Variants in DNAAF9 observed in about 807,000 individuals in gnomAD.
DNAAF9 encodes shulin.
A neutral mutation model predicts 167.0 loss-of-function variants in DNAAF9; 90 were observed. The observed-to-expected ratio is 0.54, with a 90% CI of 0.45 to 0.64. DNAAF9 has a LOEUF of 0.64. Among genes scored for constraint, DNAAF9 ranks in the 30% least tolerant of loss-of-function variants. The pLI, the probability that DNAAF9 is intolerant of heterozygous loss-of-function variation, is 0.00. For missense variants in DNAAF9, 1,315 were observed against 1,442.2 expected (o/e 0.91, Z 1.43); for synonymous variants, 491 against 508.8 (o/e 0.96, Z 0.47).
chr20:3,304,289 C>T lies in DNAAF9; in HGVS notation c.1782+151G>A, dbSNP rs117544442. On this transcript the variant is annotated intron_variant, in intron 21 of 36. Coordinates refer to ENST00000252032, the MANE Select transcript of DNAAF9 (RefSeq NM_001009984.3). ...TCTTGAGAATGCCCAGGCCTCTCCA[C>T]GACCTCCCTCCCTGCCTGCCTCAGT... is the stretch of plus-strand genomic sequence containing the variant. 3.0e-3 allele frequency: 1,987 copies of T among 656,852 alleles called. 15 individuals are homozygous for T. The highest frequency in any genetic ancestry group is 0.021 in the East Asian group (779 of 36,374). 40.7% of individuals were successfully genotyped at this position (656,852 alleles called of 1,614,324 possible).
intron 11 of DNAAF9, among the ~76,000 whole-genome samples, chr20:3,331,112 A>G (rs2069821223): frequency 6.6e-6 from 1 of 152,114 alleles, no homozygotes; most frequent in Non-Finnish European, 1.5e-5. Context: ...TTTAAGTTAA[A>G]TATAGTACAA....
intron 29 of DNAAF9, among the ~76,000 whole-genome samples, chr20:3,275,041 A>G (rs1392986822): frequency 2.0e-5 from 3 of 152,236 alleles, no homozygotes; most frequent in Non-Finnish European, 2.9e-5. Context: ...CAGCCTGGAA[A>G]GCTTGATGCC....
chr20:3,360,633 G>A (rs1568627433), intron 6 of DNAAF9, among the ~76,000 whole-genome samples: 1 of 152,078 alleles, frequency 6.6e-6, no homozygotes, highest in Non-Finnish European at 1.5e-5. Flanking sequence ...GTGCACACCG[G>A]GTTCTTTCTT....
At position 3,315,560 on chromosome 20, in the gene DNAAF9, T is replaced by C. The variant is rs1450899745; in HGVS notation, c.1590+175A>G. ...AGAATCCCTCTAATTGTATCCCCCA[T>C]AAATGGTTATTTCTAAAGCTCTGCT... On this transcript the variant is annotated intron_variant, in intron 19 of 36. Transcript: ENST00000252032. The surrounding 1 kb of genome is among the most constrained non-coding windows in gnomAD (Gnocchi z 4.1). Among the ~76,000 whole-genome samples the C allele has an allele frequency of 1.3e-5, 2 of 152,190 alleles. No individual in the cohort carries two copies. The highest frequency in any genetic ancestry group is 1.3e-4 in the Admixed American group (2 of 15,280).
chr20:3,307,649 C>T (rs1157589893), intron 20 of DNAAF9, among the ~76,000 whole-genome samples: 1 of 151,904 alleles, frequency 6.6e-6, no homozygotes, highest in Non-Finnish European at 1.5e-5. Context: ...GTCTGAAAAC[C>T]CAGGATAAGA....
At chr20:3,295,923 G>A (rs1397652143) in intron 23 of DNAAF9, 19 of 1,553,242 alleles carry the variant, frequency 1.2e-5, no homozygotes, top group Non-Finnish European at 1.7e-5. Context: ...AGTAAACTCA[G>A]ACATATTTCC....
Position 3,376,576 on chromosome 20 carries a change from A to G in DNAAF9, c.284-274T>C, listed in dbSNP as rs1019024723. On this transcript the variant is annotated intron_variant, in intron 3 of 36. Transcript: ENST00000252032. ...GAGAACATGTACCCAAAATGGCTGGATAACAGCTTGATTTTAGACTTTTTA... is the reference window on the plus strand; with the variant it reads ...GAGAACATGTACCCAAAATGGCTGGGTAACAGCTTGATTTTAGACTTTTTA... Among the ~76,000 whole-genome samples, 7 of 152,242 alleles carry G rather than the reference A, an allele frequency of 4.6e-5. No homozygotes were observed. The South Asian group carries it at 1.4e-3, about 31-fold the overall frequency.
At chr20:3,253,687 C>T (rs1214723137) in intron 36 of DNAAF9, 39 bp downstream of exon 36, 2 of 1,247,830 alleles carry the variant, frequency 1.6e-6, no homozygotes, top group East Asian at 2.3e-5. Flanking sequence ...AGCCTCACTG[C>T]CCGGGTTCCA....
chr20:3,294,213 C>G lies in DNAAF9; in HGVS notation c.2164G>C (p.Val722Leu). 1.2e-6 allele frequency: 2 copies of G among 1,613,462 alleles called. No homozygotes were observed. The highest frequency in any genetic ancestry group is 1.7e-6 in the Non-Finnish European group (2 of 1,179,386). The change falls in exon 25 of 37, where the codon GTG (valine) becomes CTG (leucine). Residue 722 changes from valine to leucine, a missense_variant. Coordinates refer to ENST00000252032, the MANE Select transcript of DNAAF9 (RefSeq NM_001009984.3). ...AGCACAGGAAGATGGGTCCGCATCA[C>G]AGGCTCCTGGCTAATGCTGCTGATG... ...FAISSISQEP[V>L]MRTHLPVLLQ...
In DNAAF9 at chr20:3,296,879, G is replaced by A. The variant is rs746262946; in HGVS notation, c.2000C>T (p.Ser667Phe). Residue 667 changes from serine to phenylalanine, a missense_variant, in exon 23 of 37, where the codon TCT (serine) becomes TTT (phenylalanine). Ser to Phe is a radical substitution (Grantham distance 155). This residue lies in a region of DNAAF9 where 981 missense variants were observed against 1,012.5 expected (regional missense o/e 0.97). Coordinates refer to ENST00000252032, the MANE Select transcript of DNAAF9 (RefSeq NM_001009984.3). ...CACTTACAATCTCTTTTGTTCCACA[G>A]ATAATCCATCTTCCTGGATCACTTT... ...SLKVIQEDGL[S>F]VEQKRLHSSA... 50 of 1,608,358 alleles carry A rather than the reference G, an allele frequency of 3.1e-5. No homozygotes were observed. In the South Asian group the frequency reaches 4.4e-4, roughly 14 times the overall value.
intron 10 of DNAAF9, among the ~76,000 whole-genome samples, chr20:3,337,033 C>A (rs181349264): frequency 1.3e-5 from 2 of 151,750 alleles, no homozygotes; most frequent in African/African-American, 4.8e-5. Flanking sequence ...GAGCCTGCCA[C>A]CACACCCAGC....
At chr20:3,257,866 T>G (rs950312128) in intron 33 of DNAAF9, among the ~76,000 whole-genome samples, 3 of 152,036 alleles carry the variant, frequency 2.0e-5, no homozygotes, top group Admixed American at 2.0e-4. Flanking sequence ...TGTCCTACAG[T>G]AGGTGGGTGT....
At chr20:3,287,553 G>C in intron 27 of DNAAF9, 79 bp downstream of exon 27, 1 of 1,364,804 alleles carries the variant, frequency 7.3e-7, no homozygotes, top group Non-Finnish European at 1.0e-6. Flanking sequence ...TGTGCTCCAG[G>C]TTTGTTACAC....
chr20:3,298,907 C>CTTT (rs397865293), intron 21 of DNAAF9, among the ~76,000 whole-genome samples: 5,415 of 119,484 alleles, frequency 0.045, 301 homozygotes, highest in African/African-American at 0.1. Context: ...TGTTTTAGCT[C>CTTT]TTTTTTTTTT....
At chr20:3,327,988 G>T (rs1348007517) in intron 12 of DNAAF9, among the ~76,000 whole-genome samples, 1 of 152,080 alleles carries the variant, frequency 6.6e-6, no homozygotes, top group Admixed American at 6.6e-5. Context: ...TGACACTAAG[G>T]GTGCATTTAA....
intron 23 of DNAAF9, 122 bp from the exon 24 acceptor site, chr20:3,294,751 C>T (rs1311377485): frequency 3.1e-6 from 2 of 654,098 alleles, no homozygotes; most frequent in African/African-American, 1.8e-5. Flanking sequence ...CCAAAACACA[C>T]ATCTCAGACT....
At position 3,255,871 on chromosome 20, in the gene DNAAF9, G is replaced by C. The variant is rs2068270923; in HGVS notation, c.3261+135C>G. 7.6e-6 allele frequency: 5 copies of C among 661,490 alleles called. No individual in the cohort carries two copies. In the Admixed American group the frequency reaches 1.3e-4, roughly 17 times the overall value. 41.0% of individuals were successfully genotyped at this position (661,490 alleles called of 1,614,324 possible). A position where few individuals can be genotyped will look rare whatever the true frequency, so the allele number is the denominator to read the frequency against. ...TCCCTCTCTCAAAGTGTCCCTGCAA[G>C]TGCTGGCTGGGCCAGGGAGAGGAAG... On this transcript the variant is annotated intron_variant, in intron 34 of 36. Coordinates refer to ENST00000252032, the MANE Select transcript of DNAAF9 (RefSeq NM_001009984.3).
Position 3,260,005 on chromosome 20 carries a change from C to G in DNAAF9, c.2897G>C (p.Gly966Ala), listed in dbSNP as rs1384674904. The G allele has an allele frequency of 1.2e-6, 2 of 1,610,696 alleles. No homozygotes were observed. Among genetic ancestry groups the G allele is most frequent in the South Asian group, 2.2e-5 (2 of 91,010 alleles). Residue 966 changes from glycine to alanine, a missense_variant, in exon 32 of 37, where the codon GGA becomes GCA. Physicochemically the swap from Gly to Ala is moderately conservative, Grantham distance 60. This residue lies in a region of DNAAF9 where 334 missense variants were observed against 429.7 expected (regional missense o/e 0.78). Transcript: ENST00000252032. ...PGWYEGKLNA[G>A]SVYPLMVQIC... ...CTGAACCATTAGGGGATAGACTGAT[C>G]CAGCATTCAATTTACCTTCATACCT...
chr20:3,280,007 C>T (rs1204058216), intron 28 of DNAAF9, among the ~76,000 whole-genome samples: 2 of 152,304 alleles, frequency 1.3e-5, no homozygotes, highest in South Asian at 4.1e-4. Context: ...TGACAACAGC[C>T]AGTCACACAT....
Sources: allele counts gnomAD v4.1 joint callset (sites outside exome capture counted in the v4.1 genomes callset), GRCh38; gene constraint gnomAD v4.1.1; regional missense constraint gnomAD v4.1.1; non-coding constraint Gnocchi (gnomAD v3.1); transcripts MANE v1.5; gene names NCBI Gene and HGNC (gene_info 2026-07-23, HGNC 2026-07-21).